Variants in TTYH1 observed in about 807,000 individuals in gnomAD.
The protein encoded by TTYH1 is protein tweety homolog 1.
TTYH1 carries 33 observed loss-of-function variants against 61.2 expected under a neutral mutation model. That is an observed-to-expected ratio of 0.54 (90% confidence interval 0.41 to 0.72). TTYH1 has a LOEUF of 0.72. TTYH1 is among the 30% of genes least tolerant of loss of function. The pLI, the probability that TTYH1 is intolerant of heterozygous loss-of-function variation, is 0.00. For synonymous variants in TTYH1, 308 were observed against 266.4 expected (o/e 1.16, Z -1.52); for missense variants, 538 against 575.8 (o/e 0.93, Z 0.67).
At position 54,429,696 on chromosome 19, in the gene TTYH1, G is replaced by A. The variant is rs1230588373; in HGVS notation, c.808-186G>A. 6.6e-6 allele frequency among the ~76,000 whole-genome samples: 1 copy of A among 151,558 alleles called. No individual in the cohort carries two copies. The highest frequency in any genetic ancestry group is 1.5e-5 in the Non-Finnish European group (1 of 67,848). On this transcript the variant is annotated intron_variant, in intron 6 of 13. Transcript: ENST00000376530. This position sits in a 1 kb window ranked among gnomAD's most constrained non-coding sequence, Gnocchi z 5.1. ...TGAGTCTGAGGGAGAAAGGGCTGGA[G>A]AGTCTGAACCCCTGAGTCTGAGGGA...
Position 54,426,774 on chromosome 19 carries a change from T to C in TTYH1, c.734+6T>C, listed in dbSNP as rs752301187. 1.2e-6 allele frequency: 2 copies of C among 1,612,918 alleles called. No individual in the cohort carries two copies. Among genetic ancestry groups the C allele is most frequent in the Non-Finnish European group, 1.7e-6 (2 of 1,179,684 alleles). On this transcript the variant is annotated splice_donor_region_variant and intron_variant, in intron 5 of 13. Coordinates refer to ENST00000376530, the MANE Select transcript of TTYH1 (RefSeq NM_020659.4). ...AGCAAGTGGCTGGTGATCGTGTAAG[T>C]GCAGGCAGTAGGGGGACCCAGTGCT...
intron 5 of TTYH1, among the ~76,000 whole-genome samples, chr19:54,427,342 A>T (rs2083343042): frequency 7.4e-6 from 1 of 134,242 alleles, no homozygotes; most frequent in African/African-American, 2.8e-5. Context: ...GTGGTGGCTC[A>T]CGCCTGTAAT....
Position 54,435,856 on chromosome 19 carries a change from G to A in TTYH1, c.1297G>A (p.Asp433Asn), listed in dbSNP as rs200962742. ...CGACTACGATGACACAGACGATGAC[G>A]ACCCTTTCAACCCTCAGGTACTGGA... ...SDDYDDTDDD[D>N]PFNPQESKRF... The change falls in exon 12 of 14, where the codon GAC (aspartate) becomes AAC (asparagine). Residue 433 changes from aspartate to asparagine, a missense_variant. Around this residue, in one of 3 missense-constraint regions of TTYH1, gnomAD observed 378 missense variants for 401.2 expected, o/e 0.94. Coordinates refer to ENST00000376530, the MANE Select transcript of TTYH1 (RefSeq NM_020659.4). 22 of 1,613,988 alleles carry A rather than the reference G, an allele frequency of 1.4e-5. No individual in the cohort carries two copies. Among genetic ancestry groups the A allele is most frequent in the Middle Eastern group, 1.6e-4 (1 of 6,062 alleles).
chr19:54,429,278 C>T lies in TTYH1; in HGVS notation c.735-29C>T, dbSNP rs1168124924. 1 of 1,609,508 alleles carries T rather than the reference C, an allele frequency of 6.2e-7. No homozygotes were observed. The highest frequency in any genetic ancestry group is 8.5e-7 in the Non-Finnish European group (1 of 1,175,970). On this transcript the variant is annotated intron_variant, in intron 5 of 13. Transcript: ENST00000376530. This position sits in a 1 kb window ranked among gnomAD's most constrained non-coding sequence, Gnocchi z 5.1. ...AGGCTAGGCTAGGAGATTAAGAACC[C>T]CGGGCTGATCCTCCCTCCCCCACTC...
chr19:54,422,928 CA>C (rs573699988), intron 4 of TTYH1, among the ~76,000 whole-genome samples: 2,102 of 85,162 alleles, frequency 0.025, 18 homozygotes, highest in South Asian at 0.062. Context: ...GACTCCATCT[CA>C]AAAAAAAAAA....
At position 54,421,440 on chromosome 19, in the gene TTYH1, C is replaced by T. The variant is rs1388594240; in HGVS notation, c.417+52C>T. The T allele has an allele frequency of 7.9e-7, 1 of 1,264,888 alleles. No individual in the cohort carries two copies. The highest frequency in any genetic ancestry group is 1.2e-6 in the Non-Finnish European group (1 of 862,364). The allele number at this position is 1,264,888 out of a possible 1,614,324, so 78.4% of individuals were successfully genotyped here. A position where few individuals can be genotyped will look rare whatever the true frequency, so the allele number is the denominator to read the frequency against. ...CCAGACCCACACCTGGACGGGCTCCCCACACCCAAGGACAAAGGGATCCAA... is the reference window on the plus strand; with the variant it reads ...CCAGACCCACACCTGGACGGGCTCCTCACACCCAAGGACAAAGGGATCCAA... On this transcript the variant is annotated intron_variant, in intron 3 of 13. Coordinates refer to ENST00000376530, the MANE Select transcript of TTYH1 (RefSeq NM_020659.4). The surrounding 1 kb of genome is among the most constrained non-coding windows in gnomAD (Gnocchi z 4.8).
Position 54,431,872 on chromosome 19 carries a change from G to GT in TTYH1, c.1125+690dup, listed in dbSNP as rs573688609. The stretch of plus-strand genomic sequence containing the variant: ...GAGGAAGGACGAGTTTTTTTTGTTT[G>GT]TTTTTTTTTCACTGGATGGCTGTGA... On this transcript the variant is annotated intron_variant, in intron 10 of 13. Coordinates refer to ENST00000376530, the MANE Select transcript of TTYH1 (RefSeq NM_020659.4). 2.5e-3 allele frequency: 372 copies of GT among 149,148 alleles called. 9 individuals are homozygous for GT. In the South Asian group the frequency reaches 0.048, roughly 19 times the overall value. 9.2% of individuals were successfully genotyped at this position (149,148 alleles called of 1,614,324 possible).
At chr19:54,422,126 A>G in intron 3 of TTYH1, 64 bp from the exon 4 acceptor site, 2 of 1,395,734 alleles carry the variant, frequency 1.4e-6, no homozygotes, top group South Asian at 1.3e-5. Context: ...CTAAAACCCC[A>G]TGCCTCGACC....
intron 4 of TTYH1, among the ~76,000 whole-genome samples, chr19:54,426,167 C>T (rs10418638): frequency 0.32 from 48,576 of 152,140 alleles, 8,108 homozygotes; most frequent in Non-Finnish European, 0.38. Context: ...GTGCTCCCCA[C>T]GTTACATGTA....
In TTYH1 at chr19:54,422,355, G is replaced by C. The variant is rs1366587818; in HGVS notation, c.583G>C (p.Val195Leu). Residue 195 changes from valine (V) to leucine (L), a missense_variant, in exon 4 of 14, where the codon GTG (valine) becomes CTG (leucine). Physicochemically the swap from Val to Leu is conservative, Grantham distance 32. This residue lies in a region of TTYH1 where 378 missense variants were observed against 401.2 expected (regional missense o/e 0.94). Transcript: ENST00000376530. The stretch of plus-strand genomic sequence containing the variant: ...GCAGGGGCTGGCCTTCTGGCAGGGA[G>C]TGCCCCTGAGCCCCCTGCAGGTGGC... ...QLQGLAFWQG[V>L]PLSPLQVAEN... 4.4e-6 allele frequency: 7 copies of C among 1,576,354 alleles called. No homozygotes were observed. The highest frequency in any genetic ancestry group is 6.0e-6 in the Non-Finnish European group (7 of 1,162,054).
At chr19:54,417,747 A>G (rs2083117795) in intron 1 of TTYH1, among the ~76,000 whole-genome samples, 1 of 151,840 alleles carries the variant, frequency 6.6e-6, no homozygotes, top group East Asian at 1.9e-4. Context: ...TATTGACTAT[A>G]GCATTCATGT....
chr19:54,416,760 C>A lies in TTYH1; in HGVS notation c.126+1082C>A, dbSNP rs1387967639. ...CTCCTCGCCGCCCCCTCTCCCCACA[C>A]ACGGGGACCGCCGTCCCCTCGCCCA... On this transcript the variant is annotated intron_variant, in intron 1 of 13. Transcript: ENST00000376530. This position sits in a 1 kb window ranked among gnomAD's most constrained non-coding sequence, Gnocchi z 7.0. 1.4e-5 allele frequency: 18 copies of A among 1,292,480 alleles called. No homozygotes were observed. Among genetic ancestry groups the A allele is most frequent in the Non-Finnish European group, 1.8e-5 (18 of 988,570 alleles). The allele number at this position is 1,292,480 out of a possible 1,614,324, so 80.1% of individuals were successfully genotyped here. A position where few individuals can be genotyped will look rare whatever the true frequency, so the allele number is the denominator to read the frequency against.
chr19:54,419,454 A>C lies in TTYH1; in HGVS notation c.305+148A>C. 1.2e-6 allele frequency: 1 copy of C among 814,088 alleles called. No homozygotes were observed. Among genetic ancestry groups the C allele is most frequent in the South Asian group, 1.4e-5 (1 of 68,984 alleles). 50.4% of individuals were successfully genotyped at this position (814,088 alleles called of 1,614,324 possible). On this transcript the variant is annotated intron_variant, in intron 2 of 13. Coordinates refer to ENST00000376530, the MANE Select transcript of TTYH1 (RefSeq NM_020659.4). The surrounding 1 kb of genome is among the most constrained non-coding windows in gnomAD (Gnocchi z 6.1). ...CCCTGTCCCTGCCATTTGCAAGCCCACTTCAGCGCACAGCAGGAAGGACTG... is the reference window on the plus strand; with the variant it reads ...CCCTGTCCCTGCCATTTGCAAGCCCCCTTCAGCGCACAGCAGGAAGGACTG...
chr19:54,415,895 A>AAT lies in TTYH1; in HGVS notation c.126+219_126+220dup, dbSNP rs144999169. The AAT allele has an allele frequency of 0.011, 8,993 of 787,710 alleles. 354 individuals are homozygous for AAT. The highest frequency in any genetic ancestry group is 0.1 in the African/African-American group (5,644 of 55,962). 48.8% of individuals were successfully genotyped at this position (787,710 alleles called of 1,614,324 possible). On this transcript the variant is annotated intron_variant, in intron 1 of 13. Transcript: ENST00000376530. The surrounding 1 kb of genome is among the most constrained non-coding windows in gnomAD (Gnocchi z 5.2). ...GGGGGTCCAGACCTCGAGCTCTCTAAATAAGGGAAGGCTGGGGACCTGCAC... is the reference window on the plus strand; with the variant it reads ...GGGGGTCCAGACCTCGAGCTCTCTAAATATAAGGGAAGGCTGGGGACCTGCAC...
rs368678006 is a variant in TTYH1, at chr19:54,436,282, G to A, written c.*43-51G>A. On this transcript the variant is annotated intron_variant, in intron 13 of 13. Coordinates refer to ENST00000376530, the MANE Select transcript of TTYH1 (RefSeq NM_020659.4). The surrounding 1 kb of genome is among the most constrained non-coding windows in gnomAD (Gnocchi z 4.3). ...TGCCTCCTGCTGGGTGGATCGCACC[G>A]GGCAGGCCCTCCAGCCTGCATCACT... The A allele has an allele frequency of 4.0e-5, 64 of 1,612,018 alleles. No homozygotes were observed. Among genetic ancestry groups the A allele is most frequent in the Middle Eastern group, 1.6e-4 (1 of 6,080 alleles).
rs2083534641 is a variant in TTYH1 at position 54,435,748 on chromosome 19, G to A, written c.1268+64G>A. On this transcript the variant is annotated intron_variant, in intron 11 of 13. Coordinates refer to ENST00000376530, the MANE Select transcript of TTYH1 (RefSeq NM_020659.4). ...AGGAGGGGCAGCACCTGGGGACCAC[G>A]GTGGCAGTGGGGGTGGGGGGTGCAG... 6.2e-6 allele frequency: 10 copies of A among 1,611,768 alleles called. No homozygotes were observed. The East Asian group carries it at 6.7e-5, about 11-fold the overall frequency.
intron 8 of TTYH1, 52 bp from the exon 9 acceptor site, chr19:54,430,761 G>A: frequency 1.3e-6 from 2 of 1,594,960 alleles, no homozygotes; most frequent in Non-Finnish European, 8.6e-7. Context: ...GAGGAGAGAG[G>A]GCCGGGGGCG....
In TTYH1 at chr19:54,431,102, C is replaced by G. The variant is rs758937211; in HGVS notation, c.1036C>G (p.Pro346Ala). ...AVPQFPSAQK[P>A]LLSLEETLNV... is the part of the protein sequence containing the mutation. ...ACGACCCCTCCTCGCCCCGCAGAAG[C>G]CTCTGCTGTCCTTGGAGGAGACTCT... Residue 346 changes from proline (P) to alanine (A), a missense_variant, in exon 10 of 14, where the codon CCT (proline) becomes GCT (alanine). Physicochemically the swap from Pro to Ala is conservative, Grantham distance 27 (BLOSUM62 -1). Coordinates refer to ENST00000376530, the MANE Select transcript of TTYH1 (RefSeq NM_020659.4). 6.2e-7 allele frequency: 1 copy of G among 1,612,740 alleles called. No homozygotes were observed. The highest frequency in any genetic ancestry group is 8.5e-7 in the Non-Finnish European group (1 of 1,178,732).
Position 54,415,501 on chromosome 19 carries a change from G to C in TTYH1, c.-52G>C. 3 of 1,246,784 alleles carry C rather than the reference G, an allele frequency of 2.4e-6. No homozygotes were observed. The highest frequency in any genetic ancestry group is 1.9e-5 in the South Asian group (1 of 52,946). 77.2% of individuals were successfully genotyped at this position (1,246,784 alleles called of 1,614,324 possible). The stretch of plus-strand genomic sequence containing the variant: ...CGCCGCCCGCGCCCCGCTCGACTCC[G>C]GAGGCTCCCGCAGCCCCGGCGTCCG... On this transcript the variant is annotated 5_prime_UTR_variant, in exon 1 of 14. Transcript: ENST00000376530. This position sits in a 1 kb window ranked among gnomAD's most constrained non-coding sequence, Gnocchi z 5.2.
Sources: allele counts gnomAD v4.1 joint callset (sites outside exome capture counted in the v4.1 genomes callset), GRCh38; gene constraint gnomAD v4.1.1; regional missense constraint gnomAD v4.1.1; non-coding constraint Gnocchi (gnomAD v3.1); transcripts MANE v1.5; gene names NCBI Gene and HGNC (gene_info 2026-07-23, HGNC 2026-07-21).